Variants in SEMA6D observed in about 807,000 individuals in gnomAD.
The protein encoded by SEMA6D is semaphorin-6D.
SEMA6D carries 35 observed loss-of-function variants against 106.6 expected under a neutral mutation model. That is an observed-to-expected ratio of 0.33 (90% CI 0.25 to 0.44). The LOEUF is 0.44. SEMA6D is among the 20% of genes least tolerant of loss of function. SEMA6D has a pLI of 1.00. For missense variants in SEMA6D, 1,185 were observed against 1,345.9 expected, an observed-to-expected ratio of 0.88 and a Z score of 1.87; for synonymous variants, 499 against 487.7, an observed-to-expected ratio of 1.02 and a Z score of -0.31.
Position 47,759,762 on chromosome 15 carries a change from C to A in SEMA6D, c.-37C>A. On this transcript the variant is annotated 5_prime_UTR_variant, in exon 2 of 19. In the 5' UTR this introduces an upstream ATG that the reference lacks. Transcript: ENST00000536845. ...TTTTCCAGGTAGCTCAGTGGCATTT[C>A]TGAGCAGGGGCCACCCTGACTTCAC... 1 of 1,495,160 alleles carries A rather than the reference C, an allele frequency of 6.7e-7. No homozygotes were observed. Among genetic ancestry groups the A allele is most frequent in the Non-Finnish European group, 9.3e-7 (1 of 1,071,994 alleles). The allele number at this position is 1,495,160 out of a possible 1,614,324, so 92.6% of individuals were successfully genotyped here.
intron 4 of SEMA6D, among the ~76,000 whole-genome samples, chr15:47,653,873 T>C (rs1323302639): frequency 6.6e-6 from 1 of 152,228 alleles, no homozygotes; most frequent in Non-Finnish European, 1.5e-5. Flanking sequence ...CTTGCCGTCA[T>C]TCATTTCAGA....
At chr15:47,412,495 C>T (rs995111318) in intron 2 of SEMA6D, 6 of 152,524 alleles carry the variant, frequency 3.9e-5, no homozygotes, top group Admixed American at 6.6e-5. Flanking sequence ...TATATAACAA[C>T]GAAGGACAGT....
chr15:47,427,056 C>G (rs529288487), intron 2 of SEMA6D, among the ~76,000 whole-genome samples: 1 of 152,098 alleles, frequency 6.6e-6, no homozygotes, highest in Non-Finnish European at 1.5e-5. Context: ...TGTTATAAGA[C>G]GTATTTGCAT....
At chr15:47,476,279 T>A (rs985572456) in intron 3 of SEMA6D, among the ~76,000 whole-genome samples, 1 of 152,168 alleles carries the variant, frequency 6.6e-6, no homozygotes, top group Non-Finnish European at 1.5e-5. Flanking sequence ...TGGGAAGGGA[T>A]ATGTTTATCT....
chr15:47,432,584 G>GCATATGTATATACATATATAC (rs1302334980), intron 2 of SEMA6D, among the ~76,000 whole-genome samples: 1 of 149,922 alleles, frequency 6.7e-6, no homozygotes, highest in African/African-American at 2.5e-5. Flanking sequence ...TACATATACA[G>GCATATGTATATACATATATAC]CTATATGCAT....
chr15:47,514,481 T>C (rs1014958642), intron 3 of SEMA6D, among the ~76,000 whole-genome samples: 2 of 152,214 alleles, frequency 1.3e-5, no homozygotes, highest in Non-Finnish European at 2.9e-5. Context: ...CATGTCTCAC[T>C]TGCAGCATTC....
intron 1 of SEMA6D, among the ~76,000 whole-genome samples, chr15:47,720,235 G>A (rs536941655): frequency 2.8e-5 from 4 of 140,420 alleles, no homozygotes; most frequent in South Asian, 2.3e-4. Context: ...CTTATTCCTC[G>A]TAGGGATGCT....
At chr15:47,659,918 A>T (rs981608514) in intron 4 of SEMA6D, among the ~76,000 whole-genome samples, 2 of 152,124 alleles carry the variant, frequency 1.3e-5, no homozygotes, top group African/African-American at 4.8e-5. Flanking sequence ...TTTTAATTTG[A>T]TGTCCCTTCT....
intron 4 of SEMA6D, among the ~76,000 whole-genome samples, chr15:47,633,407 A>G (rs1250044536): frequency 1.3e-5 from 2 of 152,134 alleles, no homozygotes; most frequent in Admixed American, 6.5e-5. Flanking sequence ...GGATATAGAA[A>G]TCAGAGTTGA....
At chr15:47,560,900 A>G (rs997450930) in intron 3 of SEMA6D, among the ~76,000 whole-genome samples, 3 of 152,084 alleles carry the variant, frequency 2.0e-5, no homozygotes, top group East Asian at 3.9e-4. Flanking sequence ...GGGAAGGGGC[A>G]TGGAGCAGAT....
chr15:47,510,278 C>T (rs906179578), intron 3 of SEMA6D, among the ~76,000 whole-genome samples: 4 of 152,154 alleles, frequency 2.6e-5, no homozygotes, highest in Non-Finnish European at 2.9e-5. Context: ...TTGCACCCTC[C>T]TTATGAGAAT....
intron 1 of SEMA6D, among the ~76,000 whole-genome samples, chr15:47,211,314 C>A (rs2141224381): frequency 6.6e-6 from 1 of 152,200 alleles, no homozygotes; most frequent in Non-Finnish European, 1.5e-5. Flanking sequence ...TATGGATTTA[C>A]TTCATTCTCT....
chr15:47,360,854 A>G (rs996293150), intron 1 of SEMA6D, among the ~76,000 whole-genome samples: 8 of 152,248 alleles, frequency 5.3e-5, no homozygotes, highest in African/African-American at 1.2e-4. Flanking sequence ...ACAGGAAACC[A>G]TATACTGGGA....
At chr15:47,693,460 A>G (rs2078631986) in intron 4 of SEMA6D, among the ~76,000 whole-genome samples, 2 of 152,166 alleles carry the variant, frequency 1.3e-5, no homozygotes, top group Non-Finnish European at 2.9e-5. Context: ...GAACAATTAG[A>G]TGGCTAAATA....
chr15:47,661,539 G>A (rs2077919116), intron 4 of SEMA6D, among the ~76,000 whole-genome samples: 1 of 152,200 alleles, frequency 6.6e-6, no homozygotes, highest in East Asian at 1.9e-4. Context: ...CTGAAGGGAG[G>A]AACTCAGAGA....
intron 1 of SEMA6D, among the ~76,000 whole-genome samples, chr15:47,399,981 G>A (rs1415250236): frequency 2.0e-5 from 3 of 152,118 alleles, no homozygotes; most frequent in African/African-American, 4.8e-5. Flanking sequence ...AATAAGAATA[G>A]TTAGAGTTTA....
Position 47,765,973 on chromosome 15 carries a change from C to T in SEMA6D, c.1532C>T (p.Pro511Leu), listed in dbSNP as rs146233951. The T allele has an allele frequency of 9.4e-6, 15 of 1,594,662 alleles. No individual in the cohort carries two copies. The African/African-American group carries it at 1.7e-4, about 19-fold the overall frequency. The change falls in exon 14 of 19, where the codon CCC (proline) becomes CTC (leucine). Residue 511 changes from proline (P) to leucine (L), a missense_variant. Transcript: ENST00000536845. The part of the protein sequence containing the change: ...VAFSSCIIRI[P>L]LSRCERYGSC... ...TTCTCTAGCTGCATTATCCGCATCC[C>T]CCTCAGTCGCTGTGAGCGTTATGGA...
chr15:47,678,995 C>T (rs2078296476), intron 4 of SEMA6D, among the ~76,000 whole-genome samples: 1 of 152,224 alleles, frequency 6.6e-6, no homozygotes, highest in African/African-American at 2.4e-5. Flanking sequence ...TCTGTCCTTA[C>T]GAATGCTGGT....
intron 4 of SEMA6D, among the ~76,000 whole-genome samples, chr15:47,606,753 T>A (rs761777494): frequency 2.0e-5 from 3 of 152,230 alleles, no homozygotes; most frequent in Non-Finnish European, 2.9e-5. Context: ...AATGATGACA[T>A]GTTATCTATT....
Sources: gnomAD v4.1 joint callset for allele counts (sites outside exome capture counted in the v4.1 genomes callset) on GRCh38, gnomAD v4.1.1 for gene constraint, MANE v1.5 for transcripts, NCBI Gene and HGNC (gene_info 2026-07-23, HGNC 2026-07-21) for gene names.